Variants in VWA3A observed in about 807,000 individuals in gnomAD.
VWA3A encodes the protein von Willebrand factor A domain-containing protein 3A.
Under a neutral mutation model 160.4 loss-of-function variants are expected in VWA3A, and 134 were observed. The observed-to-expected ratio is 0.84, with a 90% CI of 0.73 to 0.96. The LOEUF (loss-of-function observed/expected upper bound fraction) is 0.96. Among genes scored for constraint, VWA3A ranks in the 40% least tolerant of loss-of-function variants. VWA3A has a pLI of 0.00. For synonymous variants in VWA3A, 476 were observed against 543.4 expected (o/e 0.88, Z 1.72); for missense variants, 1,310 against 1,447.9 (o/e 0.90, Z 1.55).
intron 6 of VWA3A, among the ~76,000 whole-genome samples, chr16:22,108,664 A>G (rs1297636561): frequency 2.0e-5 from 3 of 152,200 alleles, no homozygotes; most frequent in Admixed American, 2.0e-4. Flanking sequence ...AGTAGGATTT[A>G]AGGAAAAACA....
chr16:22,093,774 C>T (rs1251314794), intron 1 of VWA3A, among the ~76,000 whole-genome samples: 1 of 151,784 alleles, frequency 6.6e-6, no homozygotes, highest in Non-Finnish European at 1.5e-5. Flanking sequence ...TTTGTTTGTT[C>T]GTTTGTTTGA....
chr16:22,155,965 C>G, intron 33 of VWA3A, 49 bp downstream of exon 33: 1 of 1,569,876 alleles, frequency 6.4e-7, no homozygotes, highest in Non-Finnish European at 8.7e-7. Context: ...CACTAAGCAC[C>G]AAGTGGCATG....
At chr16:22,117,832 GTCC>G (rs2045671965) in intron 11 of VWA3A, among the ~76,000 whole-genome samples, 1 of 152,112 alleles carries the variant, frequency 6.6e-6, no homozygotes, top group Admixed American at 6.6e-5. Flanking sequence ...AGGTCACAAG[GTCC>G]CTGCTTTTCA....
At position 22,119,035 on chromosome 16, in the gene VWA3A, G is replaced by A. The variant is rs1210621585; in HGVS notation, c.1116+8G>A. The A allele has an allele frequency of 2.5e-6, 4 of 1,602,818 alleles. No individual in the cohort carries two copies. Among genetic ancestry groups the A allele is most frequent in the Non-Finnish European group, 3.4e-6 (4 of 1,174,672 alleles). On this transcript the variant is annotated splice_region_variant and intron_variant, in intron 12 of 33. Coordinates refer to ENST00000389398, the MANE Select transcript of VWA3A (RefSeq NM_173615.5). The stretch of plus-strand genomic sequence containing the variant: ...ACCTGCACCATGGAGGAGGTAGGTG[G>A]TGCGAGTGTCAATTCTGGGGCCTTC...
chr16:22,153,894 C>A (rs547740331), intron 31 of VWA3A, among the ~76,000 whole-genome samples: 2 of 151,980 alleles, frequency 1.3e-5, no homozygotes, highest in Non-Finnish European at 2.9e-5. Context: ...TGTGCCACCA[C>A]GCCCAGCTAA....
rs2046333041 is a variant in VWA3A at position 22,150,701 on chromosome 16, T to G, written c.3136T>G (p.Phe1046Val). Residue 1046 changes from phenylalanine to valine, a missense_variant, in exon 30 of 34, where the codon TTC becomes GTC. Transcript: ENST00000389398. Reference protein sequence around the residue: ...TSILQALLKAFSFHDLEGLYL... With the variant: ...TSILQALLKAVSFHDLEGLYL... ...CCTTCCTGCGTTCTTTCAGAAAGCT[T>G]TCAGTTTCCATGATCTGGAAGGATT... The G allele has an allele frequency of 1.2e-6, 2 of 1,607,858 alleles. No homozygotes were observed. The highest frequency in any genetic ancestry group is 1.7e-5 in the Admixed American group (1 of 59,054).
intron 8 of VWA3A, among the ~76,000 whole-genome samples, chr16:22,112,997 A>G (rs1458095317): frequency 6.6e-6 from 1 of 152,202 alleles, no homozygotes; most frequent in Non-Finnish European, 1.5e-5. Context: ...AGTGCCAGGT[A>G]CTCAATGAAC....
In VWA3A at chr16:22,142,677, A is replaced by G. The variant is rs116463306; in HGVS notation, c.2504A>G (p.Tyr835Cys). ...TEKGNDVGSV[Y>C]KKYPQGRGLR... ...ACTCTGCTTCTTCTAGGCTCAGTGT[A>G]CAAGAAGTACCCTCAAGGAAGGGGC... is the stretch of plus-strand genomic sequence containing the variant. The change falls in exon 25 of 34, where the codon TAC becomes TGC. Residue 835 changes from tyrosine (Y) to cysteine (C), a missense_variant. Tyr to Cys is a radical substitution (Grantham distance 194). Transcript: ENST00000389398. 2,451 of 1,565,704 alleles carry G rather than the reference A, an allele frequency of 1.6e-3. 36 individuals carry two copies. The African/African-American group carries it at 0.029, about 19-fold the overall frequency.
intron 2 of VWA3A, 125 bp from the exon 3 acceptor site, chr16:22,097,447 C>T: frequency 1.6e-6 from 2 of 1,234,476 alleles, no homozygotes; most frequent in Non-Finnish European, 2.2e-6. Flanking sequence ...GAATCCTTCT[C>T]AGTTACTGCA....
chr16:22,118,875 A>T (rs754685793), intron 11 of VWA3A, 27 bp from the exon 12 acceptor site: 1 of 1,613,252 alleles, frequency 6.2e-7, no homozygotes, highest in South Asian at 1.1e-5. Context: ...GTGATTCCGG[A>T]TGTCTGATTG....
chr16:22,138,424 C>A lies in VWA3A; in HGVS notation c.2204C>A (p.Pro735Gln). 1 of 1,612,448 alleles carries A rather than the reference C, an allele frequency of 6.2e-7. No individual in the cohort carries two copies. The highest frequency in any genetic ancestry group is 8.5e-7 in the Non-Finnish European group (1 of 1,179,420). Residue 735 changes from proline to glutamine, a missense_variant, in exon 22 of 34, where the codon CCG (proline) becomes CAG (glutamine). Physicochemically the swap from Pro to Gln is moderately conservative, Grantham distance 76. Transcript: ENST00000389398. ...SGKVLGSSAL[P>Q]KEKPKTLQLR... is the part of the protein sequence containing the mutation. ...AAAGTACTGGGAAGTTCAGCCCTCC[C>A]GAAAGAAAAACCAAAGACACTTCAG...
chr16:22,093,939 ATTT>A (rs11400675), intron 1 of VWA3A, among the ~76,000 whole-genome samples: 1 of 141,088 alleles, frequency 7.1e-6, no homozygotes. Context: ...TAATTTTTGT[ATTT>A]TTTTTTTTTT....
At chr16:22,133,666 A>AAG (rs939246020) in intron 20 of VWA3A, among the ~76,000 whole-genome samples, 1 of 150,470 alleles carries the variant, frequency 6.6e-6, no homozygotes, top group Non-Finnish European at 1.5e-5. Flanking sequence ...AAAAAAAAAA[A>AAG]AAGAAGAAGA....
intron 11 of VWA3A, among the ~76,000 whole-genome samples, chr16:22,118,549 G>A (rs1205186881): frequency 6.6e-6 from 1 of 152,136 alleles, no homozygotes; most frequent in African/African-American, 2.4e-5. Context: ...AGCCGGGCGT[G>A]GTGGCGGGCG....
chr16:22,115,444 G>C lies in VWA3A; in HGVS notation c.787G>C (p.Asp263His), dbSNP rs759525357. Residue 263 changes from aspartate (D) to histidine (H), a missense_variant, in exon 9 of 34, where the codon GAT becomes CAT. Asp to His is a moderately conservative substitution (Grantham distance 81, BLOSUM62 -1). Transcript: ENST00000389398. ...GAAGATCTTCACTCTCAAGGGACTG[G>C]ATTCCCTGGTGGCCATCATGAGAAG... ...LKKIFTLKGL[D>H]SLVAIMRSCP... The C allele has an allele frequency of 2.5e-6, 4 of 1,608,914 alleles. No individual in the cohort carries two copies. The highest frequency in any genetic ancestry group is 2.5e-6 in the Non-Finnish European group (3 of 1,177,998).
rs188952322 is a variant in VWA3A at position 22,129,705 on chromosome 16, C to T, written c.1653-1500C>T. ...ATAAATGGTAGTGCAGGGATCGCAC[C>T]TGTGGAGATGCGAAGAGGAGAGAGA... is the stretch of plus-strand genomic sequence containing the variant. On this transcript the variant is annotated intron_variant, in intron 17 of 33. Coordinates refer to ENST00000389398, the MANE Select transcript of VWA3A (RefSeq NM_173615.5). Among the ~76,000 whole-genome samples the T allele has an allele frequency of 1.5e-4, 23 of 152,106 alleles. 1 individual carries two copies. In the East Asian group the frequency reaches 2.3e-3, roughly 15 times the overall value.
At chr16:22,119,171 A>T in intron 12 of VWA3A, 144 bp downstream of exon 12, 3 of 530,980 alleles carry the variant, frequency 5.6e-6, no homozygotes, top group Non-Finnish European at 2.9e-6. Flanking sequence ...CCCACCCTCC[A>T]TTGCACCCCA....
At chr16:22,150,188 G>C (rs34566086) in intron 29 of VWA3A, among the ~76,000 whole-genome samples, 1 of 152,240 alleles carries the variant, frequency 6.6e-6, no homozygotes, top group East Asian at 1.9e-4. Context: ...GATCACCTGA[G>C]GTCAGGAGTT....
chr16:22,126,323 C>A, intron 17 of VWA3A, 26 bp downstream of exon 17: 1 of 1,606,076 alleles, frequency 6.2e-7, no homozygotes, highest in Non-Finnish European at 8.5e-7. Flanking sequence ...CTCCTGGGGG[C>A]AAGGGTGGGT....
Sources: allele counts gnomAD v4.1 joint callset (sites outside exome capture counted in the v4.1 genomes callset), GRCh38; gene constraint gnomAD v4.1.1; transcripts MANE v1.5; gene names NCBI Gene and HGNC (gene_info 2026-07-23, HGNC 2026-07-21).